Variants in OR1M1 observed in about 807,000 individuals in gnomAD.
The protein encoded by OR1M1 is olfactory receptor 1M1.
For missense variants in OR1M1, 397 were observed against 401.8 expected, an observed-to-expected ratio of 0.99 and a Z score of 0.10; for synonymous variants, 157 against 165.5, an observed-to-expected ratio of 0.95 and a Z score of 0.39.
At chr19:9,090,904 T>C (rs138000229) in intron 1 of OR1M1, among the ~76,000 whole-genome samples, 1,691 of 151,788 alleles carry the variant, frequency 0.011, 31 homozygotes, top group African/African-American at 0.035. Flanking sequence ...CGGTGGCTCA[T>C]GCCTGTAATC....
At chr19:9,087,967 T>C (rs1437066808) in intron 1 of OR1M1, among the ~76,000 whole-genome samples, 1 of 152,056 alleles carries the variant, frequency 6.6e-6, no homozygotes, top group Non-Finnish European at 1.5e-5. Context: ...CTTGGCTCAC[T>C]GCAACCTCCA....
intron 1 of OR1M1, among the ~76,000 whole-genome samples, chr19:9,090,955 A>G (rs1015345968): frequency 2.0e-5 from 3 of 151,696 alleles, no homozygotes; most frequent in Non-Finnish European, 4.4e-5. Context: ...TCACGAGGTC[A>G]GGAGATCAAG....
chr19:9,088,756 TGGG>T (rs2050277561), intron 1 of OR1M1, among the ~76,000 whole-genome samples: 1 of 151,912 alleles, frequency 6.6e-6, no homozygotes, highest in African/African-American at 2.4e-5. Context: ...GGTGTGGTGG[TGGG>T]TGCCTGTAAT....
At chr19:9,089,569 GC>G (rs1327137798) in intron 1 of OR1M1, among the ~76,000 whole-genome samples, 1 of 151,850 alleles carries the variant, frequency 6.6e-6, no homozygotes, top group Non-Finnish European at 1.5e-5. Flanking sequence ...GATTACAGGG[GC>G]CCACCACTAC....
chr19:9,090,091 G>C (rs561098900), intron 1 of OR1M1, among the ~76,000 whole-genome samples: 1 of 152,104 alleles, frequency 6.6e-6, no homozygotes, highest in African/African-American at 2.4e-5. Context: ...AGAGACCTTC[G>C]ATCAGTGCCT....
chr19:9,090,531 G>A (rs1257442706), intron 1 of OR1M1, among the ~76,000 whole-genome samples: 1 of 152,096 alleles, frequency 6.6e-6, no homozygotes, highest in East Asian at 1.9e-4. Flanking sequence ...CGCAATCGGG[G>A]CTCACTGCAA....
In OR1M1 at chr19:9,093,919, C is replaced by T; in HGVS notation, c.675C>T (p.Ile225=). The T allele has an allele frequency of 6.2e-7, 1 of 1,614,174 alleles. No homozygotes were observed. The highest frequency in any genetic ancestry group is 8.5e-7 in the Non-Finnish European group (1 of 1,180,046). ...LASYARILVA[I]MKVPSAGGRK... is the part of the protein sequence containing the mutation. ...CCTATGCTCGCATCCTTGTGGCCAT[C>T]ATGAAGGTCCCCTCTGCAGGCGGCA... is the stretch of plus-strand genomic sequence containing the variant. The change falls in exon 2 of 2, where the codon ATC becomes ATT. Residue 225 remains isoleucine, a synonymous_variant. Transcript: ENST00000641627.
intron 1 of OR1M1, among the ~76,000 whole-genome samples, chr19:9,092,575 C>G (rs929389483): frequency 6.6e-6 from 1 of 152,108 alleles, no homozygotes; most frequent in Admixed American, 6.6e-5. Context: ...TGCACTCCCT[C>G]CTGGGTGACA....
chr19:9,089,030 A>G lies in OR1M1; in HGVS notation c.-14+1873A>G, dbSNP rs1467052140. 2.6e-5 allele frequency among the ~76,000 whole-genome samples: 4 copies of G among 152,252 alleles called. No homozygotes were observed. The East Asian group carries it at 7.7e-4, about 29-fold the overall frequency. ...ACATCTATTATCACAAACATTTATC[A>G]TTTCTCTGTGTTGGGAACACTCAAT... On this transcript the variant is annotated intron_variant, in intron 1 of 1. Coordinates refer to ENST00000641627, the MANE Select transcript of OR1M1 (RefSeq NM_001004456.2).
In OR1M1 at chr19:9,094,771, G is replaced by A. The variant is rs1281107243; in HGVS notation, c.*585G>A. ...CCCAGCCGCAGAAGTTTCACGGGAA[G>A]TCTCAGGATGGTCTGGTAACTGTTT... is the stretch of plus-strand genomic sequence containing the variant. On this transcript the variant is annotated 3_prime_UTR_variant, in exon 2 of 2. Coordinates refer to ENST00000641627, the MANE Select transcript of OR1M1 (RefSeq NM_001004456.2). 6.6e-6 allele frequency: 1 copy of A among 151,832 alleles called. No homozygotes were observed. The highest frequency in any genetic ancestry group is 1.9e-4 in the East Asian group (1 of 5,158). 9.4% of individuals were successfully genotyped at this position (151,832 alleles called of 1,614,324 possible).
intron 1 of OR1M1, among the ~76,000 whole-genome samples, chr19:9,091,673 A>T (rs1442004221): frequency 6.6e-6 from 1 of 152,024 alleles, no homozygotes; most frequent in African/African-American, 2.4e-5. Context: ...GGAAAAAAAA[A>T]AACAAAGGAA....
rs2050310859 is a variant in OR1M1, at chr19:9,093,832, G to A, written c.588G>A (p.Arg196=). Residue 196 remains arginine (R), a synonymous_variant, in exon 2 of 2, where the codon AGG becomes AGA. Coordinates refer to ENST00000641627, the MANE Select transcript of OR1M1 (RefSeq NM_001004456.2). The part of the protein sequence containing the change: ...RLSCTDTSVN[R]IFILIVAGMV... The stretch of plus-strand genomic sequence containing the variant: ...CGTGCACGGACACCTCTGTGAATAG[G>A]ATCTTCATCCTCATTGTGGCAGGGA... The A allele has an allele frequency of 6.2e-7, 1 of 1,613,920 alleles. No homozygotes were observed. The highest frequency in any genetic ancestry group is 1.3e-5 in the African/African-American group (1 of 74,930).
chr19:9,089,915 A>T (rs1417087449), intron 1 of OR1M1, among the ~76,000 whole-genome samples: 1 of 152,126 alleles, frequency 6.6e-6, no homozygotes, highest in East Asian at 1.9e-4. Flanking sequence ...GTGCTTCATG[A>T]ATTACAGAGA....
In OR1M1 at chr19:9,094,198, C is replaced by A; in HGVS notation, c.*12C>A. Reference sequence around the variant, plus strand: ...CCTCATCTTCCTGACCACCAGGACTCAGGAACTTCTGGGGGGTAGAATATA... The same window carrying A: ...CCTCATCTTCCTGACCACCAGGACTAAGGAACTTCTGGGGGGTAGAATATA... On this transcript the variant is annotated 3_prime_UTR_variant, in exon 2 of 2. Coordinates refer to ENST00000641627, the MANE Select transcript of OR1M1 (RefSeq NM_001004456.2). 1 of 1,562,144 alleles carries A rather than the reference C, an allele frequency of 6.4e-7. No homozygotes were observed. Among genetic ancestry groups the A allele is most frequent in the Non-Finnish European group, 8.7e-7 (1 of 1,145,082 alleles).
Position 9,093,541 on chromosome 19 carries a change from C to A in OR1M1, c.297C>A (p.Ile99=). The change falls in exon 2 of 2, where the codon ATC becomes ATA. Residue 99 remains isoleucine (I), a synonymous_variant. Transcript: ENST00000641627. ...SKAISYPCCL[I]QMYFFHFFGI... is the part of the protein sequence containing the mutation. ...CCATCTCTTATCCCTGCTGCCTGAT[C>A]CAGATGTACTTCTTCCATTTCTTTG... 1 of 1,614,160 alleles carries A rather than the reference C, an allele frequency of 6.2e-7. No homozygotes were observed. Among genetic ancestry groups the A allele is most frequent in the Non-Finnish European group, 8.5e-7 (1 of 1,180,032 alleles).
rs201998994 is a variant in OR1M1, at chr19:9,093,571, C to T, written c.327C>T (p.Ile109=). ...TGTACTTCTTCCATTTCTTTGGCAT[C>T]GTGGACAGCGTCATAATCGCCATGA... The part of the protein sequence containing the change: ...IQMYFFHFFG[I]VDSVIIAMMA... The change falls in exon 2 of 2, where the codon ATC becomes ATT. Residue 109 remains isoleucine, a synonymous_variant. Transcript: ENST00000641627. 1.6e-5 allele frequency: 26 copies of T among 1,614,074 alleles called. No individual in the cohort carries two copies. The East Asian group carries it at 1.8e-4, about 11-fold the overall frequency.
chr19:9,090,888 C>T (rs1329658620), intron 1 of OR1M1, among the ~76,000 whole-genome samples: 1 of 151,430 alleles, frequency 6.6e-6, no homozygotes, highest in Non-Finnish European at 1.5e-5. Context: ...AAGTTCAGGA[C>T]GGGCGCGGTG....
intron 1 of OR1M1, among the ~76,000 whole-genome samples, chr19:9,088,274 T>G (rs889762583): frequency 2.0e-5 from 3 of 152,154 alleles, no homozygotes; most frequent in Non-Finnish European, 4.4e-5. Context: ...GAAGTTTGTG[T>G]TATTCCCCAT....
intron 1 of OR1M1, among the ~76,000 whole-genome samples, chr19:9,090,141 G>A (rs1353647575): frequency 1.3e-5 from 2 of 152,140 alleles, no homozygotes; most frequent in African/African-American, 4.8e-5. Flanking sequence ...TGCGTATATG[G>A]AACAATTATG....
Sources: allele counts gnomAD v4.1 joint callset (sites outside exome capture counted in the v4.1 genomes callset), GRCh38; gene constraint gnomAD v4.1.1; transcripts MANE v1.5; gene names NCBI Gene and HGNC (gene_info 2026-07-23, HGNC 2026-07-21).